The following LNPK variants were observed in gnomAD, a reference collection of about 807,000 sequenced individuals.
LNPK encodes the protein lunapark, ER junction formation factor.
Under a neutral mutation model 55.2 loss-of-function variants are expected in LNPK, and 29 were observed. The ratio of observed to expected loss-of-function variants is 0.53; its 90% CI spans 0.39 to 0.72. The LOEUF is 0.72. Among genes scored for constraint, LNPK ranks in the 30% least tolerant of loss-of-function variants. LNPK has a pLI of 0.00. For missense variants in LNPK, 467 were observed against 494.8 expected, an observed-to-expected ratio of 0.94 and a Z score of 0.53; for synonymous variants, 162 against 168.2, an observed-to-expected ratio of 0.96 and a Z score of 0.29.
chr2:175,948,092 C>A (rs908065673), intron 8 of LNPK, among the ~76,000 whole-genome samples: 1 of 151,990 alleles, frequency 6.6e-6, no homozygotes, highest in South Asian at 2.1e-4. Context: ...AAAAACTAAG[C>A]GATAAGTGAA....
chr2:175,995,142 G>A (rs2105365970), intron 2 of LNPK, among the ~76,000 whole-genome samples: 1 of 151,854 alleles, frequency 6.6e-6, no homozygotes, highest in African/African-American at 2.4e-5. Context: ...GGCTGGTCTT[G>A]AACTCCTGAA....
chr2:175,969,383 TCACA>T (rs1394035121), intron 6 of LNPK, among the ~76,000 whole-genome samples: 1 of 152,198 alleles, frequency 6.6e-6, no homozygotes, highest in African/African-American at 2.4e-5. Flanking sequence ...ACTTATCCTT[TCACA>T]CAATTTTCCA....
chr2:175,936,483 GTAAA>G (rs1684550953), intron 12 of LNPK, among the ~76,000 whole-genome samples: 1 of 152,052 alleles, frequency 6.6e-6, no homozygotes, highest in Non-Finnish European at 1.5e-5. Flanking sequence ...ATCCTGACTG[GTAAA>G]TAAATTATGT....
At chr2:175,965,015 GT>G (rs1263589550) in intron 6 of LNPK, among the ~76,000 whole-genome samples, 7 of 152,142 alleles carry the variant, frequency 4.6e-5, no homozygotes, top group African/African-American at 1.7e-4. Context: ...TAAAATCTCT[GT>G]GCCAATTAAC....
In LNPK at chr2:175,934,708, C is replaced by T. The variant is rs1057242573; in HGVS notation, c.1054+2636G>A. Reference sequence around the variant, plus strand: ...TAACTTAGCAGAGATTCAAGTATTACGGTACTATCTATTTAACCATAAAAG... The same window carrying T: ...TAACTTAGCAGAGATTCAAGTATTATGGTACTATCTATTTAACCATAAAAG... On this transcript the variant is annotated intron_variant, in intron 12 of 12. Transcript: ENST00000272748. Among the ~76,000 whole-genome samples, 4 of 151,266 alleles carry T rather than the reference C, an allele frequency of 2.6e-5. No individual in the cohort carries two copies. The East Asian group carries it at 7.7e-4, about 29-fold the overall frequency.
chr2:175,980,321 T>G (rs376513423), intron 4 of LNPK, among the ~76,000 whole-genome samples: 15 of 152,296 alleles, frequency 9.8e-5, no homozygotes, highest in African/African-American at 3.4e-4. Context: ...TCCTTCCCTA[T>G]TATTTAACAA....
chr2:175,932,632 T>C (rs1684333092), intron 12 of LNPK, among the ~76,000 whole-genome samples: 1 of 152,226 alleles, frequency 6.6e-6, no homozygotes, highest in Non-Finnish European at 1.5e-5. Context: ...GATGTTTGGA[T>C]GCCAATGCCA....
intron 3 of LNPK, 62 bp downstream of exon 3, chr2:175,993,117 ATAC>A: frequency 1.0e-6 from 1 of 993,550 alleles, no homozygotes; most frequent in Admixed American, 2.5e-5. Flanking sequence ...AAAATAATAT[ATAC>A]TACAATAATA....
intron 4 of LNPK, among the ~76,000 whole-genome samples, chr2:175,983,529 G>C (rs1388163683): frequency 6.6e-6 from 1 of 152,076 alleles, no homozygotes. Flanking sequence ...ATTGTTTCAA[G>C]ACAGACCAAC....
intron 8 of LNPK, among the ~76,000 whole-genome samples, chr2:175,953,771 T>TAAAA (rs59400321): frequency 7.5e-6 from 1 of 132,500 alleles, no homozygotes; most frequent in African/African-American, 2.8e-5. Context: ...TCCATGTTAC[T>TAAAA]AAAAAAAAAA....
intron 2 of LNPK, chr2:175,994,309 T>C (rs914821851): frequency 1.0e-6 from 1 of 983,938 alleles, no homozygotes. Context: ...CAAGAAGAGA[T>C]AAATTTGATC....
At chr2:175,975,939 G>A (rs1299488678) in intron 5 of LNPK, among the ~76,000 whole-genome samples, 1 of 152,212 alleles carries the variant, frequency 6.6e-6, no homozygotes, top group Non-Finnish European at 1.5e-5. Context: ...CTTTAATCCA[G>A]TAGATGGATG....
upstream of LNPK, chr2:176,002,275 G>A (rs975743764): frequency 6.7e-6 from 3 of 445,836 alleles, no homozygotes; most frequent in Non-Finnish European, 9.0e-6. Flanking sequence ...GACAAGCCGG[G>A]CCAACTCCTT....
At chr2:175,941,409 G>T (rs1684835647) in intron 9 of LNPK, among the ~76,000 whole-genome samples, 1 of 151,774 alleles carries the variant, frequency 6.6e-6, no homozygotes, top group Non-Finnish European at 1.5e-5. Flanking sequence ...TAAACCCACA[G>T]ATTCAAAAAT....
At chr2:175,976,794 G>A (rs1349044748) in intron 5 of LNPK, among the ~76,000 whole-genome samples, 1 of 152,118 alleles carries the variant, frequency 6.6e-6, no homozygotes, top group Non-Finnish European at 1.5e-5. Flanking sequence ...TTGGTTCTCA[G>A]GCCTTCAGAC....
At position 175,925,096 on chromosome 2, in the gene LNPK, C is replaced by T. The variant is rs1683949987; in HGVS notation, c.*4871G>A. ...AAGTCATTTAGGATTTTCGGAAACT[C>T]AGCATACTATATTTTATGAAAATCA... is the stretch of plus-strand genomic sequence containing the variant. On this transcript the variant is annotated 3_prime_UTR_variant, in exon 13 of 13. Transcript: ENST00000272748. 1 of 152,118 alleles carries T rather than the reference C, an allele frequency of 6.6e-6. No individual in the cohort carries two copies. The highest frequency in any genetic ancestry group is 1.5e-5 in the Non-Finnish European group (1 of 68,024). The allele number at this position is 152,118 out of a possible 1,614,324, so 9.4% of individuals were successfully genotyped here.
chr2:175,945,316 C>A (rs1258091515), intron 9 of LNPK, among the ~76,000 whole-genome samples: 2 of 150,896 alleles, frequency 1.3e-5, no homozygotes, highest in African/African-American at 4.8e-5. Context: ...CTGAGAACGG[C>A]CTGGCCAATA....
Position 175,979,531 on chromosome 2 carries a change from C to A in LNPK, c.316+279G>T, listed in dbSNP as rs191837809. ...CGAGATCGTGCCACTGCACTCCTGC[C>A]TGGGCGACAGGCTCTTCCTATGCCC... On this transcript the variant is annotated intron_variant, in intron 5 of 12. Coordinates refer to ENST00000272748, the MANE Select transcript of LNPK (RefSeq NM_030650.3). Among the ~76,000 whole-genome samples, 856 of 151,562 alleles carry A rather than the reference C, an allele frequency of 5.6e-3. 9 individuals are homozygous for A. The highest frequency in any genetic ancestry group is 0.02 in the African/African-American group (805 of 41,266).
intron 12 of LNPK, 76 bp from the exon 13 acceptor site, chr2:175,930,275 A>C (rs1241849437): frequency 4.8e-5 from 32 of 660,000 alleles, no homozygotes; most frequent in South Asian, 1.9e-5. Flanking sequence ...AAAAAAGATA[A>C]ACACACACAC....
Sources: gnomAD v4.1 joint callset for allele counts (sites outside exome capture counted in the v4.1 genomes callset) on GRCh38, gnomAD v4.1.1 for gene constraint, MANE v1.5 for transcripts, NCBI Gene and HGNC (gene_info 2026-07-23, HGNC 2026-07-21) for gene names.